ACOXL: variants seen among roughly 807,000 people sequenced by gnomAD.
ACOXL encodes the protein acyl-coenzyme A oxidase-like protein.
ACOXL carries 70 observed loss-of-function variants against 71.9 expected under a neutral mutation model. That is an observed-to-expected ratio of 0.97 (90% CI 0.80 to 1.19). ACOXL has a LOEUF of 1.19. Among genes scored for constraint, ACOXL ranks in the 50% most tolerant of loss-of-function variants. The pLI is 0.00. For synonymous variants in ACOXL, 253 were observed against 281.6 expected, an observed-to-expected ratio of 0.90 and a Z score of 1.02; for missense variants, 703 against 736.3, an observed-to-expected ratio of 0.95 and a Z score of 0.52.
chr2:111,087,432 AG>A (rs2068270063), intron 16 of ACOXL, among the ~76,000 whole-genome samples: 1 of 152,202 alleles, frequency 6.6e-6, no homozygotes, highest in Non-Finnish European at 1.5e-5. Flanking sequence ...AAAATAGCAT[AG>A]TACTGGTACA....
chr2:111,015,537 C>T lies in ACOXL; in HGVS notation c.1282-16090C>T, dbSNP rs544210918. The stretch of plus-strand genomic sequence containing the variant: ...TATCTGAAATCTAAAATGGTAATCA[C>T]CACTCTGGAAGACAGAGTGGCAGTT... On this transcript the variant is annotated intron_variant, in intron 14 of 17. Coordinates refer to ENST00000439055, the MANE Select transcript of ACOXL (RefSeq NM_001142807.4). 2.0e-5 allele frequency among the ~76,000 whole-genome samples: 3 copies of T among 152,300 alleles called. No homozygotes were observed. In the East Asian group the frequency reaches 5.8e-4, roughly 29 times the overall value.
At chr2:111,060,134 T>C (rs1558924619) in intron 16 of ACOXL, among the ~76,000 whole-genome samples, 1 of 152,116 alleles carries the variant, frequency 6.6e-6, no homozygotes, top group Non-Finnish European at 1.5e-5. Flanking sequence ...AGCTGGGGTT[T>C]TCATCTCCAC....
intron 11 of ACOXL, among the ~76,000 whole-genome samples, chr2:110,915,407 C>CATAT (rs776643074): frequency 3.0e-4 from 18 of 60,900 alleles, no homozygotes; most frequent in African/African-American, 8.9e-4. Flanking sequence ...TGTGTATATA[C>CATAT]ATATATATAT....
chr2:110,895,174 T>TA (rs1225857700), intron 10 of ACOXL, among the ~76,000 whole-genome samples: 2 of 151,914 alleles, frequency 1.3e-5, no homozygotes, highest in Non-Finnish European at 2.9e-5. Flanking sequence ...TGCTGAAACA[T>TA]GAAAAAATCT....
chr2:111,006,656 A>G (rs2063889335), intron 14 of ACOXL, among the ~76,000 whole-genome samples: 1 of 151,644 alleles, frequency 6.6e-6, no homozygotes, highest in Non-Finnish European at 1.5e-5. Flanking sequence ...CCTCCTGGGT[A>G]CAAGCTATTC....
intron 1 of ACOXL, among the ~76,000 whole-genome samples, chr2:110,767,821 C>T (rs1681288623): frequency 6.6e-6 from 1 of 152,140 alleles, no homozygotes; most frequent in South Asian, 2.1e-4. Flanking sequence ...CGCGGTGGCT[C>T]ACGCCTGTAA....
intron 10 of ACOXL, among the ~76,000 whole-genome samples, chr2:110,846,949 C>T (rs1399863595): frequency 6.6e-6 from 1 of 152,120 alleles, no homozygotes; most frequent in Non-Finnish European, 1.5e-5. Flanking sequence ...ACAGGTCCTG[C>T]TCATGTTTCG....
At chr2:110,758,669 A>G (rs1003665023) in intron 1 of ACOXL, among the ~76,000 whole-genome samples, 49 of 152,056 alleles carry the variant, frequency 3.2e-4, no homozygotes, top group African/African-American at 1.0e-3. Flanking sequence ...TTTCTTGTCT[A>G]TCTCCTTCAG....
In ACOXL at chr2:110,896,719, G is replaced by A. The variant is rs114286136; in HGVS notation, c.789-12070G>A. On this transcript the variant is annotated intron_variant, in intron 10 of 17. Transcript: ENST00000439055. ...GTCTATGTAAAACACAGCACAGCCT[G>A]CAAAATACGTGAAGTGAAAACTAAC... Among the ~76,000 whole-genome samples, 1,484 of 152,256 alleles carry A rather than the reference G, an allele frequency of 9.7e-3. 27 individuals are homozygous for A. Among genetic ancestry groups the A allele is most frequent in the African/African-American group, 0.034 (1,396 of 41,558 alleles).
intron 15 of ACOXL, among the ~76,000 whole-genome samples, chr2:111,036,006 C>T (rs1413123438): frequency 1.3e-5 from 2 of 152,238 alleles, no homozygotes; most frequent in East Asian, 1.9e-4. Context: ...AACAAAATGC[C>T]ACAACATCAG....
intron 10 of ACOXL, among the ~76,000 whole-genome samples, chr2:110,851,341 T>C (rs1692574640): frequency 6.6e-6 from 1 of 152,224 alleles, no homozygotes; most frequent in Non-Finnish European, 1.5e-5. Context: ...ACACTGTGTC[T>C]GAGGCCGTGT....
intron 16 of ACOXL, among the ~76,000 whole-genome samples, chr2:111,050,981 A>G (rs12986962): frequency 0.36 from 54,093 of 152,020 alleles, 9,761 homozygotes; most frequent in East Asian, 0.5. Context: ...GAAGGCTAAG[A>G]TGGCCTGAGG....
chr2:110,805,323 A>G lies in ACOXL; in HGVS notation c.681A>G (p.Arg227=), dbSNP rs1559286569. 1.2e-6 allele frequency: 2 copies of G among 1,614,208 alleles called. No individual in the cohort carries two copies. The highest frequency in any genetic ancestry group is 1.7e-6 in the Non-Finnish European group (2 of 1,180,028). Residue 227 remains arginine, a synonymous_variant, in exon 9 of 18, where the codon AGA becomes AGG. Coordinates refer to ENST00000439055, the MANE Select transcript of ACOXL (RefSeq NM_001142807.4). ...CGCCTATTAGGAACAAGAGTGCAAG[A>G]TTCAATGCCATGCTGGCAGCACTGA... The part of the protein sequence containing the change: ...YHSPIRNKSA[R]FNAMLAALTP...
intron 11 of ACOXL, among the ~76,000 whole-genome samples, chr2:110,912,816 A>C (rs2059693618): frequency 6.6e-6 from 1 of 152,192 alleles, no homozygotes; most frequent in South Asian, 2.1e-4. Context: ...AGTGAAAGAC[A>C]ATCCACAGAA....
At position 110,999,254 on chromosome 2, in the gene ACOXL, T is replaced by C. The variant is rs540690709; in HGVS notation, c.1281+3250T>C. ...TGCACCCACACCCCTGGTGTCCTTC[T>C]TCTTATAAGAATACTGTCGTATTGC... On this transcript the variant is annotated intron_variant, in intron 14 of 17. Transcript: ENST00000439055. Among the ~76,000 whole-genome samples the C allele has an allele frequency of 3.9e-5, 6 of 152,236 alleles. No individual in the cohort carries two copies. In the East Asian group the frequency reaches 1.2e-3, roughly 29 times the overall value.
intron 10 of ACOXL, among the ~76,000 whole-genome samples, chr2:110,867,679 G>T (rs759680508): frequency 2.6e-5 from 4 of 152,168 alleles, no homozygotes; most frequent in Non-Finnish European, 5.9e-5. Flanking sequence ...GGTGTCAAAG[G>T]AGTCTTTGCG....
At chr2:110,942,673 G>A (rs1022617073) in intron 12 of ACOXL, among the ~76,000 whole-genome samples, 1 of 151,580 alleles carries the variant, frequency 6.6e-6, no homozygotes, top group African/African-American at 2.4e-5. Flanking sequence ...ATCACTTGAG[G>A]TCAGGAGTTC....
intron 16 of ACOXL, among the ~76,000 whole-genome samples, chr2:111,081,134 CACTCCTATTCAA>C (rs1193293857): frequency 7.9e-5 from 12 of 152,186 alleles, no homozygotes; most frequent in African/African-American, 2.7e-4. Context: ...CCTCTCTCAC[CACTCCTATTCAA>C]CATAGTATTG....
At chr2:111,054,212 T>A (rs548010662) in intron 16 of ACOXL, among the ~76,000 whole-genome samples, 1 of 152,180 alleles carries the variant, frequency 6.6e-6, no homozygotes, top group Non-Finnish European at 1.5e-5. Context: ...AAGCTGCCTG[T>A]AGGAAAATAA....
Sources: allele counts gnomAD v4.1 joint callset (sites outside exome capture counted in the v4.1 genomes callset), GRCh38; gene constraint gnomAD v4.1.1; transcripts MANE v1.5; gene names NCBI Gene and HGNC (gene_info 2026-07-23, HGNC 2026-07-21).